IMMP2L: variants seen among roughly 807,000 people sequenced by gnomAD.
The protein encoded by IMMP2L is inner mitochondrial membrane peptidase subunit 2.
Under a neutral mutation model 19.3 loss-of-function variants are expected in IMMP2L, and 18 were observed. The observed-to-expected ratio is 0.93, with a 90% CI of 0.64 to 1.38. The LOEUF is 1.38. Among genes scored for constraint, IMMP2L ranks in the 40% most tolerant of loss-of-function variants. IMMP2L has a pLI of 0.00. For missense variants in IMMP2L, 233 were observed against 218.2 expected, an observed-to-expected ratio of 1.07 and a Z score of -0.43; for synonymous variants, 76 against 73.0, an observed-to-expected ratio of 1.04 and a Z score of -0.21.
intron 3 of IMMP2L, among the ~76,000 whole-genome samples, chr7:111,343,928 TTTC>T: frequency 6.6e-6 from 1 of 152,074 alleles, no homozygotes; most frequent in East Asian, 1.9e-4. Context: ...GTGGTCATTG[TTTC>T]TTCTCTCTCC....
At chr7:111,452,555 TA>T (rs1365604547) in intron 3 of IMMP2L, among the ~76,000 whole-genome samples, 1 of 152,072 alleles carries the variant, frequency 6.6e-6, no homozygotes, top group Admixed American at 6.6e-5. Flanking sequence ...TACTGCTGAA[TA>T]AAAAAGAAAT....
intron 3 of IMMP2L, among the ~76,000 whole-genome samples, chr7:111,008,580 C>CACACAA (rs1491193844): frequency 2.7e-5 from 4 of 150,508 alleles, no homozygotes; most frequent in African/African-American, 9.7e-5. Flanking sequence ...CACACACGTG[C>CACACAA]ACACACACAC....
chr7:111,351,624 G>A (rs192480640), intron 3 of IMMP2L, among the ~76,000 whole-genome samples: 74 of 152,204 alleles, frequency 4.9e-4, no homozygotes, highest in African/African-American at 1.8e-3. Context: ...TCTGACATAT[G>A]TAAATTTCAA....
At chr7:111,216,678 G>C (rs1357410297) in intron 3 of IMMP2L, among the ~76,000 whole-genome samples, 1 of 152,018 alleles carries the variant, frequency 6.6e-6, no homozygotes, top group Non-Finnish European at 1.5e-5. Flanking sequence ...CCTTAAAGTG[G>C]AATTTTCAAA....
chr7:111,345,602 G>C (rs1198940033), intron 3 of IMMP2L, among the ~76,000 whole-genome samples: 1 of 151,752 alleles, frequency 6.6e-6, no homozygotes, highest in African/African-American at 2.4e-5. Context: ...GAATATGCTT[G>C]AAAATAACAT....
At chr7:110,674,051 A>G (rs1282600830) in intron 5 of IMMP2L, among the ~76,000 whole-genome samples, 1 of 152,182 alleles carries the variant, frequency 6.6e-6, no homozygotes, top group African/African-American at 2.4e-5. Context: ...GCTAATAAAG[A>G]CCTACTTGAG....
chr7:111,141,000 A>G lies in IMMP2L; in HGVS notation c.240-177435T>C, dbSNP rs149652966. Among the ~76,000 whole-genome samples the G allele has an allele frequency of 5.4e-3, 819 of 152,308 alleles. 15 individuals carry two copies. The highest frequency in any genetic ancestry group is 0.019 in the African/African-American group (786 of 41,562). On this transcript the variant is annotated intron_variant, in intron 3 of 5. Transcript: ENST00000405709. ...AACTTGGGTGATGAAGTGGTTTAAG[A>G]ATTATGAAATAATATGACTTTTTAA...
At chr7:110,683,295 G>T (rs190996883) in intron 5 of IMMP2L, among the ~76,000 whole-genome samples, 28 of 152,014 alleles carry the variant, frequency 1.8e-4, no homozygotes, top group African/African-American at 6.7e-4. Flanking sequence ...GGAAATAAAC[G>T]TTGTTACTTT....
intron 2 of IMMP2L, among the ~76,000 whole-genome samples, chr7:111,491,980 G>C (rs1285981759): frequency 6.7e-6 from 1 of 150,340 alleles, no homozygotes; most frequent in Non-Finnish European, 1.5e-5. Flanking sequence ...CTCTTTTACT[G>C]GTGTTTTTTT....
At chr7:111,501,143 T>C (rs1274363982) in intron 2 of IMMP2L, among the ~76,000 whole-genome samples, 1 of 152,000 alleles carries the variant, frequency 6.6e-6, no homozygotes, top group Non-Finnish European at 1.5e-5. Flanking sequence ...CTGATGGAGC[T>C]GAAAGCCAAG....
At chr7:110,945,522 C>G (rs192587791) in intron 4 of IMMP2L, among the ~76,000 whole-genome samples, 2 of 152,086 alleles carry the variant, frequency 1.3e-5, no homozygotes, top group East Asian at 3.9e-4. Flanking sequence ...GAGCATGACT[C>G]AGCTATGGGA....
chr7:111,502,048 C>T (rs1055008098), intron 2 of IMMP2L, among the ~76,000 whole-genome samples: 3 of 151,740 alleles, frequency 2.0e-5, no homozygotes, highest in Admixed American at 2.0e-4. Context: ...AAGAGTCATA[C>T]ATCAGTGTGC....
intron 3 of IMMP2L, among the ~76,000 whole-genome samples, chr7:111,447,170 A>G: frequency 6.7e-6 from 1 of 148,384 alleles, no homozygotes; most frequent in African/African-American, 2.5e-5. Context: ...CAATCTAGCA[A>G]GGCAGGCCGA....
intron 3 of IMMP2L, among the ~76,000 whole-genome samples, chr7:111,030,721 C>A (rs1448967199): frequency 2.0e-5 from 3 of 151,860 alleles, no homozygotes; most frequent in Non-Finnish European, 1.5e-5. Context: ...TAGTTACCCA[C>A]TGTATTTACT....
At chr7:111,064,599 G>C (rs1794320276) in intron 3 of IMMP2L, among the ~76,000 whole-genome samples, 1 of 152,162 alleles carries the variant, frequency 6.6e-6, no homozygotes, top group Middle Eastern at 3.4e-3. Context: ...CAAAATTTTT[G>C]CTTCCTGTTC....
intron 3 of IMMP2L, among the ~76,000 whole-genome samples, chr7:110,984,230 C>T (rs1390427362): frequency 1.3e-5 from 2 of 150,994 alleles, no homozygotes; most frequent in Non-Finnish European, 3.0e-5. Context: ...CGTCAGATAT[C>T]AGATTAATTT....
intron 1 of IMMP2L, among the ~76,000 whole-genome samples, chr7:111,538,633 TAAAA>T (rs34613701): frequency 3.1e-5 from 3 of 97,194 alleles, no homozygotes; most frequent in African/African-American, 1.3e-4. Flanking sequence ...ACCCTGTCTC[TAAAA>T]AAAAAAAAAA....
Position 110,851,287 on chromosome 7 carries a change from A to T in IMMP2L, c.408+35306T>A, listed in dbSNP as rs184579784. Among the ~76,000 whole-genome samples the T allele has an allele frequency of 1.7e-4, 26 of 152,292 alleles. No individual in the cohort carries two copies. The East Asian group carries it at 5.0e-3, about 29-fold the overall frequency. On this transcript the variant is annotated intron_variant, in intron 5 of 5. Transcript: ENST00000405709. ...ATAGATCATCTTTACACAAAAACTC[A>T]GGATATACAAACACACTAGACACCT...
intron 3 of IMMP2L, among the ~76,000 whole-genome samples, chr7:111,130,259 A>C (rs970243779): frequency 1.3e-5 from 2 of 152,176 alleles, no homozygotes; most frequent in South Asian, 4.1e-4. Context: ...ATAAGTGATA[A>C]ATTCAAAGCT....
Sources: gnomAD v4.1 joint callset for allele counts (sites outside exome capture counted in the v4.1 genomes callset) on GRCh38, gnomAD v4.1.1 for gene constraint, MANE v1.5 for transcripts, NCBI Gene and HGNC (gene_info 2026-07-23, HGNC 2026-07-21) for gene names.